The following BAIAP2 variants were observed in gnomAD, a reference collection of about 807,000 sequenced individuals.
BAIAP2 encodes BAR/IMD domain-containing adapter protein 2.
Under a neutral mutation model 63.0 loss-of-function variants are expected in BAIAP2, and 18 were observed. That is an observed-to-expected ratio of 0.29 (90% CI 0.20 to 0.42). BAIAP2 has a LOEUF of 0.42. Among genes scored for constraint, BAIAP2 ranks in the 10% least tolerant of loss-of-function variants. The pLI is 1.00. For synonymous variants in BAIAP2, 386 were observed against 307.6 expected (o/e 1.25, Z -2.67); for missense variants, 610 against 734.3 (o/e 0.83, Z 1.96).
intron 3 of BAIAP2, among the ~76,000 whole-genome samples, chr17:81,070,949 G>A (rs895520666): frequency 3.9e-5 from 6 of 152,160 alleles, no homozygotes; most frequent in Admixed American, 1.3e-4. Context: ...AGGCAGCCTC[G>A]GCCTCTGCTC....
rs528494367 is a variant in BAIAP2, at chr17:81,116,167, G to A, written c.*328G>A. 5.6e-6 allele frequency: 9 copies of A among 1,604,492 alleles called. No individual in the cohort carries two copies. In the South Asian group the frequency reaches 8.8e-5, roughly 16 times the overall value. ...GAGGACATTTGGCCAGCTGGTGGCT[G>A]GGAGGGGAGCCTGGCTGCCCTGCTG... On this transcript the variant is annotated 3_prime_UTR_variant, in exon 14 of 14. Transcript: ENST00000428708.
intron 3 of BAIAP2, among the ~76,000 whole-genome samples, chr17:81,068,395 C>A (rs2144704531): frequency 6.6e-6 from 1 of 152,358 alleles, no homozygotes; most frequent in Non-Finnish European, 1.5e-5. Flanking sequence ...CTGTCCCCTG[C>A]AGAGCAGCTG....
At chr17:81,037,500 G>A (rs1035570942) in intron 1 of BAIAP2, among the ~76,000 whole-genome samples, 2 of 152,228 alleles carry the variant, frequency 1.3e-5, no homozygotes, top group Admixed American at 6.5e-5. Context: ...GCAGCTTTTG[G>A]CAATGTCAGC....
At chr17:81,037,117 GTGTT>G (rs372805861) in intron 1 of BAIAP2, among the ~76,000 whole-genome samples, 130 of 152,366 alleles carry the variant, frequency 8.5e-4, no homozygotes, top group African/African-American at 2.9e-3. Context: ...TTAGGACTGA[GTGTT>G]TGGGGACTTT....
At chr17:81,108,728 G>A in intron 13 of BAIAP2, 1 of 860,474 alleles carries the variant, frequency 1.2e-6, no homozygotes, top group Non-Finnish European at 1.8e-6. Flanking sequence ...ATCGCATCTG[G>A]CCGGCCCCAT....
intron 1 of BAIAP2, among the ~76,000 whole-genome samples, chr17:81,036,530 C>G (rs1277014949): frequency 1.3e-5 from 2 of 152,246 alleles, no homozygotes; most frequent in African/African-American, 4.8e-5. Context: ...CTGGTTCCAG[C>G]TGGAGTGCAG....
intron 2 of BAIAP2, among the ~76,000 whole-genome samples, chr17:81,055,569 G>GTTTTTTTTTTTTTTTTTTTT (rs1555657837): frequency 6.4e-5 from 6 of 94,188 alleles, no homozygotes; most frequent in Non-Finnish European, 8.6e-5. Context: ...TCTGCAGGGT[G>GTTTTTTTTTTTTTTTTTTTT]TTTTGTTTTT....
At chr17:81,079,147 G>A (rs1400907270) in intron 3 of BAIAP2, among the ~76,000 whole-genome samples, 3 of 152,170 alleles carry the variant, frequency 2.0e-5, no homozygotes, top group African/African-American at 7.2e-5. Context: ...GGCATGCCTG[G>A]GGCCTGGGTT....
chr17:81,058,226 C>G (rs1478891142), intron 3 of BAIAP2, among the ~76,000 whole-genome samples: 1 of 152,116 alleles, frequency 6.6e-6, no homozygotes. Flanking sequence ...GTGTTCCCGG[C>G]AAATTGGAGC....
In BAIAP2 at chr17:81,072,212, T is replaced by C. The variant is rs1309246858; in HGVS notation, c.218-12620T>C. Among the ~76,000 whole-genome samples, 4 of 152,224 alleles carry C rather than the reference T, an allele frequency of 2.6e-5. No individual in the cohort carries two copies. In the East Asian group the frequency reaches 7.7e-4, roughly 29 times the overall value. ...AGGGCTGCCACTCCCTTTTCCCAGA[T>C]GGCTGGAGTGCCCCAGGGCAGCGTT... is the stretch of plus-strand genomic sequence containing the variant. On this transcript the variant is annotated intron_variant, in intron 3 of 13. Transcript: ENST00000428708.
intron 6 of BAIAP2, among the ~76,000 whole-genome samples, chr17:81,093,610 C>T (rs1407480823): frequency 1.3e-5 from 2 of 151,992 alleles, no homozygotes; most frequent in Admixed American, 6.5e-5. Flanking sequence ...TCCTGGGAAG[C>T]GGCACTGGTG....
At chr17:81,115,115 G>A (rs1001735558) in intron 13 of BAIAP2, among the ~76,000 whole-genome samples, 47 of 152,332 alleles carry the variant, frequency 3.1e-4, no homozygotes, top group South Asian at 4.1e-4. Context: ...GTCTTGAGTC[G>A]TATTTGTGCA....
Position 81,117,174 on chromosome 17 carries a change from G to A in BAIAP2, c.*1335G>A, listed in dbSNP as rs1568212149. 6.6e-6 allele frequency: 1 copy of A among 152,098 alleles called. No homozygotes were observed. Among genetic ancestry groups the A allele is most frequent in the African/African-American group, 2.4e-5 (1 of 41,314 alleles). The allele number at this position is 152,098 out of a possible 1,614,324, so 9.4% of individuals were successfully genotyped here. A position where few individuals can be genotyped will look rare whatever the true frequency, so the allele number is the denominator to read the frequency against. On this transcript the variant is annotated 3_prime_UTR_variant, in exon 14 of 14. Coordinates refer to ENST00000428708, the MANE Select transcript of BAIAP2 (RefSeq NM_001144888.2). ...CACCGGGGTGTGCCGAGGACAGTGG[G>A]GAGGAGAGGAGAGGGGCAGCTTCCT...
intron 1 of BAIAP2, chr17:81,053,404 G>C: frequency 2.0e-6 from 1 of 510,560 alleles, no homozygotes; most frequent in South Asian, 2.2e-5. Context: ...CGCTCCTTCA[G>C]CCCGCAGACA....
At chr17:81,053,589 T>C (rs1256566751) in intron 1 of BAIAP2, 79 bp from the exon 2 acceptor site, 1 of 1,522,298 alleles carries the variant, frequency 6.6e-7, no homozygotes, top group East Asian at 2.3e-5. Flanking sequence ...CTCTGGGTTT[T>C]CTCCTCTGTG....
chr17:81,108,594 G>A (rs952682565), intron 13 of BAIAP2, 85 bp downstream of exon 13: 383 of 1,543,288 alleles, frequency 2.5e-4, no homozygotes, highest in Non-Finnish European at 3.2e-4. Context: ...TAGGACCTGG[G>A]GCCACCTCTT....
chr17:81,080,522 G>T (rs1426375984), intron 3 of BAIAP2, among the ~76,000 whole-genome samples: 7 of 152,234 alleles, frequency 4.6e-5, no homozygotes, highest in Admixed American at 4.6e-4. Flanking sequence ...CGGGCGGGTG[G>T]TGATGACCGT....
In BAIAP2 at chr17:81,057,976, C is replaced by CCCA; in HGVS notation, c.217+11_217+12insACC. On this transcript the variant is annotated intron_variant, in intron 3 of 13. Transcript: ENST00000428708. Reference sequence around the variant, plus strand: ...GGGCTCCAAAGAACTCGGTGAGACCCCCCCCCCCCCCCCGCCTGGTAGTCG... The same window carrying CCCA: ...GGGCTCCAAAGAACTCGGTGAGACCCCCACCCCCCCCCCCCCGCCTGGTAGTCG... The CCCA allele has an allele frequency of 5.5e-6, 1 of 183,452 alleles. No individual in the cohort carries two copies. The highest frequency in any genetic ancestry group is 7.8e-6 in the Non-Finnish European group (1 of 128,260). 11.4% of individuals were successfully genotyped at this position (183,452 alleles called of 1,614,324 possible).
At chr17:81,049,149 G>A (rs1405744029) in intron 1 of BAIAP2, among the ~76,000 whole-genome samples, 1 of 152,268 alleles carries the variant, frequency 6.6e-6, no homozygotes, top group Non-Finnish European at 1.5e-5. Context: ...GCACGCGCCG[G>A]GCTGCGTTTG....
Sources: allele counts gnomAD v4.1 joint callset (sites outside exome capture counted in the v4.1 genomes callset), GRCh38; gene constraint gnomAD v4.1.1; transcripts MANE v1.5; gene names NCBI Gene and HGNC (gene_info 2026-07-23, HGNC 2026-07-21).